The following CHD1L variants were observed in gnomAD, a reference collection of about 807,000 sequenced individuals.
CHD1L encodes chromodomain helicase DNA binding protein 1 like.
Under a neutral mutation model 115.9 loss-of-function variants are expected in CHD1L, and 118 were observed. The observed-to-expected ratio is 1.02, with a 90% CI of 0.88 to 1.19. The LOEUF (loss-of-function observed/expected upper bound fraction) is 1.19, where lower values mean the gene tolerates loss of function less well. CHD1L is among the 50% of genes most tolerant of loss of function. The pLI is 0.00. For missense variants in CHD1L, 1,179 were observed against 1,065.3 expected (o/e 1.11, Z -1.49); for synonymous variants, 411 against 387.1 (o/e 1.06, Z -0.72).
chr1:147,252,579 C>T, intron 1 of CHD1L, 44 bp from the exon 2 acceptor site: 2 of 1,480,280 alleles, frequency 1.4e-6, no homozygotes, highest in Non-Finnish European at 1.9e-6. Context: ...TCTGCATGTA[C>T]TGAAATGTCT....
At chr1:147,275,614 GGTA>G (rs1343929803) in intron 13 of CHD1L, 146 bp downstream of exon 13, 12 of 616,512 alleles carry the variant, frequency 1.9e-5, no homozygotes, top group Non-Finnish European at 3.2e-5. Context: ...TGACTCCTAG[GGTA>G]GTATTGGGTG....
the CHD1L span, among the ~76,000 whole-genome samples, chr1:147,202,516 C>T: frequency 0.037 from 5,597 of 151,932 alleles, 146 homozygotes; most frequent in South Asian, 0.095. Context: ...GACAGGGTTT[C>T]ACCATGTTGG....
the CHD1L span, among the ~76,000 whole-genome samples, chr1:147,185,388 C>T: frequency 6.6e-6 from 1 of 151,996 alleles, no homozygotes; most frequent in Non-Finnish European, 1.5e-5. Flanking sequence ...ATTCAATTTG[C>T]TTTTGATATG....
At chr1:147,218,808 C>T in the CHD1L span, among the ~76,000 whole-genome samples, 1 of 152,158 alleles carries the variant, frequency 6.6e-6, no homozygotes, top group Admixed American at 6.5e-5. Flanking sequence ...GTAAATATTA[C>T]TATTTCTTCA....
At chr1:147,274,505 CT>C (rs1367093377) in intron 12 of CHD1L, among the ~76,000 whole-genome samples, 1 of 152,172 alleles carries the variant, frequency 6.6e-6, no homozygotes, top group Non-Finnish European at 1.5e-5. Context: ...GGAACAAGCC[CT>C]TTCAGGCTTG....
intron 8 of CHD1L, 51 bp downstream of exon 8, chr1:147,266,138 A>G: frequency 6.6e-7 from 1 of 1,508,112 alleles, no homozygotes; most frequent in Non-Finnish European, 9.0e-7. Context: ...ATGTGATTTC[A>G]GGTAGTAAAA....
the CHD1L span, among the ~76,000 whole-genome samples, chr1:147,209,401 G>A: frequency 7.6e-6 from 1 of 132,420 alleles, no homozygotes; most frequent in African/African-American, 2.9e-5. Flanking sequence ...TCGCACCACT[G>A]CACTCCAGCC....
At chr1:147,201,041 T>C in the CHD1L span, 1 of 761,552 alleles carries the variant, frequency 1.3e-6, no homozygotes. Context: ...AACTTTGTGC[T>C]AGGCACTGTT....
chr1:147,183,539 T>C, the CHD1L span, among the ~76,000 whole-genome samples: 1 of 152,196 alleles, frequency 6.6e-6, no homozygotes. Context: ...CAAATATTGT[T>C]ATATATTATG....
chr1:147,269,551 C>T (rs1352845288), intron 10 of CHD1L, among the ~76,000 whole-genome samples: 1 of 151,818 alleles, frequency 6.6e-6, no homozygotes, highest in Non-Finnish European at 1.5e-5. Flanking sequence ...CGCCTGTAGT[C>T]CCAGCTACTT....
At chr1:147,272,908 A>AAG (rs2102690089) in intron 12 of CHD1L, among the ~76,000 whole-genome samples, 1 of 151,206 alleles carries the variant, frequency 6.6e-6, no homozygotes, top group Non-Finnish European at 1.5e-5. Context: ...GTCTGGAAAA[A>AAG]AAAAAAAAAA....
At chr1:147,214,087 C>CCCTACTTAGGTGTTT in the CHD1L span, among the ~76,000 whole-genome samples, 1 of 152,118 alleles carries the variant, frequency 6.6e-6, no homozygotes, top group Admixed American at 6.6e-5. Context: ...ATATGGGTTA[C>CCCTACTTAGGTGTTT]CCTACTTAGG....
At chr1:147,245,495 A>ATTTAGCAG (rs1163718126) in intron 1 of CHD1L, among the ~76,000 whole-genome samples, 1 of 151,992 alleles carries the variant, frequency 6.6e-6, no homozygotes, top group Non-Finnish European at 1.5e-5. Context: ...GTGGTGCTTG[A>ATTTAGCAG]TTTAGCAGTT....
Position 147,270,965 on chromosome 1 carries a change from C to G in CHD1L, c.1119C>G (p.Thr373=). Residue 373 remains threonine, a synonymous_variant, in exon 11 of 23, where the codon ACC becomes ACG. Transcript: ENST00000369258. The stretch of plus-strand genomic sequence containing the variant: ...GGGTTTTACTTTTCTCCCAAATGAC[C>G]CAGATGTTGGATATTCTCCAAGACT... ...GHRVLLFSQM[T]QMLDILQDYM... The G allele has an allele frequency of 1.2e-6, 2 of 1,613,854 alleles. No individual in the cohort carries two copies. Among genetic ancestry groups the G allele is most frequent in the Non-Finnish European group, 8.5e-7 (1 of 1,179,956 alleles).
At chr1:147,274,070 TTA>T (rs1677323194) in intron 12 of CHD1L, among the ~76,000 whole-genome samples, 1 of 152,198 alleles carries the variant, frequency 6.6e-6, no homozygotes, top group South Asian at 2.1e-4. Flanking sequence ...CTGAAAAGTA[TTA>T]TAGTATAGTG....
the CHD1L span, among the ~76,000 whole-genome samples, chr1:147,195,125 C>G: frequency 2.0e-5 from 3 of 152,094 alleles, no homozygotes; most frequent in South Asian, 6.2e-4. Context: ...TTCCATTCTC[C>G]CCGTCACTTT....
chr1:147,195,937 CATT>C, the CHD1L span, among the ~76,000 whole-genome samples: 2 of 152,096 alleles, frequency 1.3e-5, no homozygotes, highest in African/African-American at 4.8e-5. Context: ...GCTGCTGGAA[CATT>C]ATTGTTTTTA....
chr1:147,200,045 T>G, the CHD1L span, among the ~76,000 whole-genome samples: 11 of 152,254 alleles, frequency 7.2e-5, no homozygotes, highest in East Asian at 2.1e-3. Flanking sequence ...ACTCCATACC[T>G]TCCCCCTCTC....
At chr1:147,214,225 G>A in the CHD1L span, among the ~76,000 whole-genome samples, 6 of 152,236 alleles carry the variant, frequency 3.9e-5, no homozygotes, top group African/African-American at 1.2e-4. Flanking sequence ...GCTGAGCCAG[G>A]TGAATCACCC....
Sources: allele counts gnomAD v4.1 joint callset (sites outside exome capture counted in the v4.1 genomes callset), GRCh38; gene constraint gnomAD v4.1.1; transcripts MANE v1.5; gene names NCBI Gene and HGNC (gene_info 2026-07-23, HGNC 2026-07-21).